SH3BGR: variants seen among roughly 807,000 people sequenced by gnomAD.
SH3BGR encodes SH3 domain binding glutamate rich protein.
A neutral mutation model predicts 24.5 loss-of-function variants in SH3BGR; 29 were observed. The observed-to-expected ratio is 1.18, with a 90% confidence interval of 0.88 to 1.61. The LOEUF is 1.61. SH3BGR is among the 40% of genes most tolerant of loss of function. The probability of loss-of-function intolerance (pLI) is 0.00; values close to 1 mark genes in which losing one functional copy is unlikely to be tolerated. For missense variants in SH3BGR, 162 were observed against 205.8 expected (o/e 0.79, Z 1.30); for synonymous variants, 55 against 65.7 (o/e 0.84, Z 0.79).
intron 3 of SH3BGR, among the ~76,000 whole-genome samples, chr21:39,484,267 T>C (rs1379483361): frequency 6.6e-6 from 1 of 152,214 alleles, no homozygotes; most frequent in East Asian, 1.9e-4. Context: ...ATTTACATCC[T>C]CAGAGCCAAA....
intron 1 of SH3BGR, 25 bp from the exon 2 acceptor site, chr21:39,462,350 C>T: frequency 6.4e-7 from 1 of 1,555,748 alleles, no homozygotes. Context: ...CATAAACAGC[C>T]TAATATTTCT....
intron 5 of SH3BGR, 142 bp downstream of exon 5, chr21:39,509,169 A>C (rs78873181): frequency 0.063 from 38,579 of 615,208 alleles, 1,776 homozygotes; most frequent in African/African-American, 0.17. Flanking sequence ...CTCCTTTAAC[A>C]TGCTGAGAAG....
intron 4 of SH3BGR, among the ~76,000 whole-genome samples, chr21:39,504,856 CAG>C (rs2078555760): frequency 6.6e-6 from 1 of 152,100 alleles, no homozygotes; most frequent in Non-Finnish European, 1.5e-5. Context: ...TTTTTAGAGA[CAG>C]AGTCTCATTC....
intron 4 of SH3BGR, among the ~76,000 whole-genome samples, chr21:39,501,480 G>A (rs1314891343): frequency 6.6e-6 from 1 of 152,048 alleles, no homozygotes; most frequent in African/African-American, 2.4e-5. Context: ...ACCATTTTTT[G>A]TTATTTTTGT....
Position 39,462,580 on chromosome 21 carries a change from A to G in SH3BGR, c.231+20A>G. Reference sequence around the variant, plus strand: ...TGTGGGGTGAGTATGTGCTTCTATTAAAAATCCTGCTGTGTGTGTGTTTAT... The same window carrying G: ...TGTGGGGTGAGTATGTGCTTCTATTGAAAATCCTGCTGTGTGTGTGTTTAT... On this transcript the variant is annotated intron_variant, in intron 2 of 6. Transcript: ENST00000333634. 2 of 1,499,368 alleles carry G rather than the reference A, an allele frequency of 1.3e-6. No individual in the cohort carries two copies. Among genetic ancestry groups the G allele is most frequent in the Non-Finnish European group, 1.8e-6 (2 of 1,126,196 alleles). 92.9% of individuals were successfully genotyped at this position (1,499,368 alleles called of 1,614,324 possible). A position where few individuals can be genotyped will look rare whatever the true frequency, so the allele number is the denominator to read the frequency against.
chr21:39,476,216 G>C (rs1005554567), intron 3 of SH3BGR, among the ~76,000 whole-genome samples: 1 of 152,154 alleles, frequency 6.6e-6, no homozygotes, highest in Non-Finnish European at 1.5e-5. Flanking sequence ...GAGACCAGGA[G>C]CGTGTGGCGT....
intron 2 of SH3BGR, among the ~76,000 whole-genome samples, chr21:39,474,465 A>G (rs2077993912): frequency 6.6e-6 from 1 of 152,178 alleles, no homozygotes; most frequent in African/African-American, 2.4e-5. Context: ...TTTTAATTAT[A>G]AAAATTGAAA....
intron 1 of SH3BGR, among the ~76,000 whole-genome samples, chr21:39,457,057 T>G (rs965617266): frequency 1.7e-4 from 26 of 148,652 alleles, no homozygotes; most frequent in African/African-American, 6.1e-4. Context: ...AAAATTAACA[T>G]AGTAAATATA....
At chr21:39,452,211 C>T (rs1424101012) in intron 1 of SH3BGR, 70 bp downstream of exon 1, 17 of 1,591,908 alleles carry the variant, frequency 1.1e-5, no homozygotes, top group South Asian at 2.3e-5. Context: ...ATATGGCCAA[C>T]GTTGGCCTTC....
At chr21:39,447,585 C>G (rs536852889), upstream of SH3BGR, among the ~76,000 whole-genome samples, 84 of 151,810 alleles carry the variant, frequency 5.5e-4, no homozygotes, top group African/African-American at 1.9e-3. Flanking sequence ...CCGGCTAATT[C>G]TTTTTGTATT....
At chr21:39,470,210 A>T (rs1396325706) in intron 2 of SH3BGR, among the ~76,000 whole-genome samples, 2 of 151,928 alleles carry the variant, frequency 1.3e-5, no homozygotes, top group Non-Finnish European at 2.9e-5. Flanking sequence ...CTATTTTAAC[A>T]TACATACTTA....
intron 3 of SH3BGR, among the ~76,000 whole-genome samples, chr21:39,489,068 A>G (rs2078256741): frequency 6.6e-6 from 1 of 152,242 alleles, no homozygotes; most frequent in South Asian, 2.1e-4. Context: ...GGCATCAAAC[A>G]TAAAATAAAA....
At position 39,453,060 on chromosome 21, in the gene SH3BGR, T is replaced by G. The variant is rs369918496; in HGVS notation, c.45+919T>G. 9.0e-4 allele frequency among the ~76,000 whole-genome samples: 137 copies of G among 152,282 alleles called. 1 individual carries two copies. The highest frequency in any genetic ancestry group is 3.1e-3 in the African/African-American group (130 of 41,572). ...ATCTAGTTTCTGGAGGATCTCAGGT[T>G]TCGGCTGGGATTTCAGCAGCCACTC... is the stretch of plus-strand genomic sequence containing the variant. On this transcript the variant is annotated intron_variant, in intron 1 of 6. Coordinates refer to ENST00000333634, the MANE Select transcript of SH3BGR (RefSeq NM_007341.3).
rs2078698920 is a variant in SH3BGR, at chr21:39,511,712, G to A, written c.468G>A (p.Gly156=). 6.2e-7 allele frequency: 1 copy of A among 1,605,062 alleles called. No individual in the cohort carries two copies. Among genetic ancestry groups the A allele is most frequent in the Non-Finnish European group, 8.5e-7 (1 of 1,177,552 alleles). The change falls in exon 6 of 7, where the codon GGG becomes GGA. Residue 156 remains glycine, a synonymous_variant. Transcript: ENST00000333634. This position sits in a 1 kb window ranked among gnomAD's most constrained non-coding sequence, Gnocchi z 4.2. ...AAATAGCCATGGAGGGTGCGGAAGG[G>A]GAAGCCGAGGAGGAGGAAGAAACTG... ...TEEIAMEGAE[G]EAEEEEETAE...
intron 1 of SH3BGR, among the ~76,000 whole-genome samples, chr21:39,458,335 A>T (rs2077698417): frequency 6.6e-6 from 1 of 151,876 alleles, no homozygotes; most frequent in Non-Finnish European, 1.5e-5. Flanking sequence ...TTTATTTATT[A>T]TTTTTATTTT....
intron 3 of SH3BGR, 133 bp downstream of exon 3, chr21:39,475,348 T>A: frequency 1.8e-6 from 1 of 567,110 alleles, no homozygotes; most frequent in Non-Finnish European, 3.1e-6. Flanking sequence ...CTTATTCTGA[T>A]GCAGTCCTAT....
intron 3 of SH3BGR, among the ~76,000 whole-genome samples, chr21:39,492,466 G>GTGTGTGTATATATA (rs1404293146): frequency 1.2e-3 from 170 of 139,720 alleles, no homozygotes; most frequent in African/African-American, 4.2e-3. Context: ...GTGTGTGTGT[G>GTGTGTGTATATATA]TATATATATA....
chr21:39,464,904 A>G (rs1351450339), intron 2 of SH3BGR, among the ~76,000 whole-genome samples: 1 of 152,142 alleles, frequency 6.6e-6, no homozygotes, highest in African/African-American at 2.4e-5. Flanking sequence ...ATAATTGAAA[A>G]ATTAATATAT....
chr21:39,459,390 A>T (rs2077717919), intron 1 of SH3BGR, among the ~76,000 whole-genome samples: 1 of 151,670 alleles, frequency 6.6e-6, no homozygotes. Context: ...ATGCCCAGCT[A>T]ATTTTTGTAT....
Sources: gnomAD v4.1 joint callset for allele counts (sites outside exome capture counted in the v4.1 genomes callset) on GRCh38, gnomAD v4.1.1 for gene constraint, Gnocchi (gnomAD v3.1) non-coding constraint, MANE v1.5 for transcripts, NCBI Gene and HGNC (gene_info 2026-07-23, HGNC 2026-07-21) for gene names.